The following CDC14B variants were observed in gnomAD, a reference collection of about 807,000 sequenced individuals.
CDC14B encodes the protein cell division cycle 14B.
A neutral mutation model predicts 64.2 loss-of-function variants in CDC14B; 22 were observed. The ratio of observed to expected loss-of-function variants is 0.34; its 90% confidence interval spans 0.24 to 0.49. The LOEUF is 0.49. Ranked by LOEUF, CDC14B falls within the 20% of genes least tolerant of loss-of-function variation. The pLI is 0.99. For missense variants in CDC14B, 498 were observed against 629.9 expected (o/e 0.79, Z 2.24); for synonymous variants, 191 against 215.8 (o/e 0.89, Z 1.01).
intron 13 of CDC14B, among the ~76,000 whole-genome samples, chr9:96,508,162 C>T (rs1055189801): frequency 2.0e-5 from 3 of 151,964 alleles, no homozygotes; most frequent in African/African-American, 7.2e-5. Context: ...ACCACAGGTG[C>T]CTGCCACCAC....
intron 1 of CDC14B, among the ~76,000 whole-genome samples, chr9:96,614,407 T>C (rs775314138): frequency 3.9e-5 from 6 of 152,096 alleles, no homozygotes; most frequent in African/African-American, 1.4e-4. Context: ...GGTCTTGAAC[T>C]CCTGGGCTCA....
chr9:96,570,226 A>G (rs952681290), intron 1 of CDC14B, among the ~76,000 whole-genome samples: 2 of 152,248 alleles, frequency 1.3e-5, no homozygotes, highest in African/African-American at 4.8e-5. Context: ...TTGAAATGAA[A>G]AACATTTTCC....
chr9:96,556,804 G>GA (rs1370929369), intron 4 of CDC14B, among the ~76,000 whole-genome samples: 1 of 151,386 alleles, frequency 6.6e-6, no homozygotes, highest in South Asian at 2.1e-4. Context: ...AACCACAGAG[G>GA]AAAAAAAACC....
chr9:96,588,495 C>T (rs1044930573), intron 1 of CDC14B, among the ~76,000 whole-genome samples: 3 of 152,104 alleles, frequency 2.0e-5, no homozygotes, highest in Non-Finnish European at 4.4e-5. Flanking sequence ...TAGGGCTTTT[C>T]TTGTTGTTTT....
intron 5 of CDC14B, among the ~76,000 whole-genome samples, chr9:96,546,988 G>A (rs1463531555): frequency 2.6e-5 from 4 of 152,040 alleles, no homozygotes; most frequent in East Asian, 2.0e-4. Context: ...CGTGAACCCA[G>A]GAGGCGGAGC....
rs1471134546 is a variant in CDC14B, at chr9:96,500,481, G to T, written c.*3272C>A. The T allele has an allele frequency of 6.6e-6, 1 of 152,076 alleles. No homozygotes were observed. Among genetic ancestry groups the T allele is most frequent in the South Asian group, 2.1e-4 (1 of 4,806 alleles). 9.4% of individuals were successfully genotyped at this position (152,076 alleles called of 1,614,324 possible). A position where few individuals can be genotyped will look rare whatever the true frequency, so the allele number is the denominator to read the frequency against. On this transcript the variant is annotated 3_prime_UTR_variant, in exon 14 of 14. Transcript: ENST00000375241. Reference sequence around the variant, plus strand: ...AATAGAAAACTGCAGTACTATCATCGGATGAACATGTCTGCTGACAATTCT... The same window carrying T: ...AATAGAAAACTGCAGTACTATCATCTGATGAACATGTCTGCTGACAATTCT...
At chr9:96,572,463 A>G (rs578050210) in intron 1 of CDC14B, among the ~76,000 whole-genome samples, 1 of 152,306 alleles carries the variant, frequency 6.6e-6, no homozygotes, top group African/African-American at 2.4e-5. Context: ...AAATCCACAC[A>G]TATTACAGAG....
chr9:96,529,375 C>CA (rs1464129108), intron 9 of CDC14B, among the ~76,000 whole-genome samples: 1 of 151,934 alleles, frequency 6.6e-6, no homozygotes, highest in Non-Finnish European at 1.5e-5. Flanking sequence ...TCTTGAATGT[C>CA]ATTTGACCAT....
chr9:96,584,136 T>G (rs1845332875), intron 1 of CDC14B, among the ~76,000 whole-genome samples: 1 of 152,218 alleles, frequency 6.6e-6, no homozygotes. Context: ...AGAGCTAAGC[T>G]TTCAGGACAG....
At chr9:96,567,409 C>A (rs1049211063) in intron 1 of CDC14B, among the ~76,000 whole-genome samples, 3 of 152,242 alleles carry the variant, frequency 2.0e-5, no homozygotes, top group Non-Finnish European at 4.4e-5. Flanking sequence ...GGGCCCAGCC[C>A]CTTAGCTCTG....
chr9:96,539,042 G>A, intron 7 of CDC14B, 36 bp downstream of exon 7: 1 of 1,337,858 alleles, frequency 7.5e-7, no homozygotes, highest in Non-Finnish European at 1.1e-6. Flanking sequence ...TGGGCGGGGG[G>A]AGGAAGAGTT....
At chr9:96,592,359 T>C (rs1646208752) in intron 1 of CDC14B, among the ~76,000 whole-genome samples, 1 of 152,198 alleles carries the variant, frequency 6.6e-6, no homozygotes, top group Non-Finnish European at 1.5e-5. Context: ...ATTACAGGTG[T>C]GAACCACCGC....
rs758982365 is a variant in CDC14B, at chr9:96,503,765, T to A, written c.1485A>T (p.Thr495=). Reference sequence around the variant, plus strand: ...CACAGGTTTTTACTTAACGCAAGACTGTTTTAGTCCTTGAAATGGAGAGAC... The same window carrying A: ...CACAGGTTTTTACTTAACGCAAGACAGTTTTAGTCCTTGAAATGGAGAGAC... ...VKSLSISRTK[T]VLR Residue 495 remains threonine, a synonymous_variant, in exon 14 of 14, where the codon ACA becomes ACT. Coordinates refer to ENST00000375241, the MANE Select transcript of CDC14B (RefSeq NM_033331.4). 1.9e-6 allele frequency: 3 copies of A among 1,613,836 alleles called. No homozygotes were observed. Among genetic ancestry groups the A allele is most frequent in the Non-Finnish European group, 2.5e-6 (3 of 1,179,902 alleles).
chr9:96,516,990 G>A (rs1449356731), intron 12 of CDC14B, among the ~76,000 whole-genome samples: 1 of 150,816 alleles, frequency 6.6e-6, no homozygotes, highest in African/African-American at 2.5e-5. Flanking sequence ...GTTTCTCCAT[G>A]TTGGTTAGGC....
At chr9:96,494,504 C>T (rs1170858523) in intron 13 of CDC14B, among the ~76,000 whole-genome samples, 1 of 152,050 alleles carries the variant, frequency 6.6e-6, no homozygotes, top group Non-Finnish European at 1.5e-5. Context: ...CCTGCTTTGC[C>T]CAGCCCAGCT....
chr9:96,504,243 A>G (rs1833824993), intron 13 of CDC14B, among the ~76,000 whole-genome samples: 1 of 151,974 alleles, frequency 6.6e-6, no homozygotes, highest in African/African-American at 2.4e-5. Flanking sequence ...GTCACAGAAA[A>G]AGCTCTGGCA....
intron 10 of CDC14B, 33 bp downstream of exon 10, chr9:96,523,554 C>T (rs1837093774): frequency 2.5e-6 from 4 of 1,613,262 alleles, no homozygotes; most frequent in Admixed American, 1.7e-5. Context: ...CCCACATGTT[C>T]CCTGGGAACT....
At position 96,502,996 on chromosome 9, in the gene CDC14B, C is replaced by G. The variant is rs555722370; in HGVS notation, c.*757G>C. The G allele has an allele frequency of 2.5e-6, 1 of 396,742 alleles. No homozygotes were observed. Among genetic ancestry groups the G allele is most frequent in the East Asian group, 3.6e-5 (1 of 28,000 alleles). The allele number at this position is 396,742 out of a possible 1,614,324, so 24.6% of individuals were successfully genotyped here. A position where few individuals can be genotyped will look rare whatever the true frequency, so the allele number is the denominator to read the frequency against. On this transcript the variant is annotated 3_prime_UTR_variant, in exon 14 of 14. Transcript: ENST00000375241. ...CCAAACAATGGGCAGCCTCCCAGTT[C>G]TTCAGTCCCTGAAGGACAGAAAAAG...
At chr9:96,528,943 A>G (rs1053880493) in intron 9 of CDC14B, among the ~76,000 whole-genome samples, 1 of 152,142 alleles carries the variant, frequency 6.6e-6, no homozygotes, top group Admixed American at 6.5e-5. Flanking sequence ...CCATTTATGA[A>G]CTGGGTTTTG....
Sources: allele counts gnomAD v4.1 joint callset (sites outside exome capture counted in the v4.1 genomes callset), GRCh38; gene constraint gnomAD v4.1.1; transcripts MANE v1.5; gene names NCBI Gene and HGNC (gene_info 2026-07-23, HGNC 2026-07-21).